Variants in CDH18 observed in about 807,000 individuals in gnomAD.
CDH18 encodes the protein cadherin-18.
A neutral mutation model predicts 67.9 loss-of-function variants in CDH18; 31 were observed. The ratio of observed to expected loss-of-function variants is 0.46; its 90% CI spans 0.34 to 0.62. The LOEUF (loss-of-function observed/expected upper bound fraction) is 0.62, where lower values mean the gene tolerates loss of function less well. Among genes scored for constraint, CDH18 ranks in the 20% least tolerant of loss-of-function variants. The pLI is 0.01. For missense variants in CDH18, 890 were observed against 975.5 expected (o/e 0.91, Z 1.17); for synonymous variants, 362 against 347.2 (o/e 1.04, Z -0.48).
intron 2 of CDH18, among the ~76,000 whole-genome samples, chr5:20,132,414 C>T (rs1354756921): frequency 3.3e-5 from 5 of 151,996 alleles, no homozygotes; most frequent in Non-Finnish European, 4.4e-5. Context: ...TAATAGGGTA[C>T]ATTTTTCATA....
chr5:20,356,988 A>G (rs1741684864), intron 1 of CDH18, among the ~76,000 whole-genome samples: 1 of 151,390 alleles, frequency 6.6e-6, no homozygotes, highest in Admixed American at 6.6e-5. Flanking sequence ...TGTAGTAATA[A>G]CTATAGCAAT....
chr5:19,600,583 T>G (rs2150064317), intron 6 of CDH18, among the ~76,000 whole-genome samples: 1 of 151,166 alleles, frequency 6.6e-6, no homozygotes, highest in African/African-American at 2.4e-5. Context: ...CACTTGAATT[T>G]ATTTTTCTGT....
intron 2 of CDH18, among the ~76,000 whole-genome samples, chr5:20,052,411 G>A (rs1741509702): frequency 6.6e-6 from 1 of 152,010 alleles, no homozygotes; most frequent in African/African-American, 2.4e-5. Context: ...ATGGGTACTA[G>A]CAGAAAATGG....
chr5:19,705,385 G>C (rs949199377), intron 5 of CDH18, among the ~76,000 whole-genome samples: 2 of 151,970 alleles, frequency 1.3e-5, no homozygotes, highest in African/African-American at 2.4e-5. Context: ...AATTACTAGG[G>C]GATATTAATT....
chr5:20,519,239 G>T (rs1343263871), intron 1 of CDH18, among the ~76,000 whole-genome samples: 11 of 152,070 alleles, frequency 7.2e-5, no homozygotes, highest in Admixed American at 1.3e-4. Flanking sequence ...GTCAACAATA[G>T]ACTGGATTAA....
chr5:20,459,366 T>A (rs1464287437), intron 1 of CDH18, among the ~76,000 whole-genome samples: 1 of 152,222 alleles, frequency 6.6e-6, no homozygotes, highest in African/African-American at 2.4e-5. Flanking sequence ...GGATAAATAT[T>A]CCCAAAGCCA....
chr5:20,474,887 C>G (rs1049624847), intron 1 of CDH18, among the ~76,000 whole-genome samples: 1 of 152,160 alleles, frequency 6.6e-6, no homozygotes, highest in Non-Finnish European at 1.5e-5. Context: ...TACAGAGGTG[C>G]GTTTCTTGGC....
intron 2 of CDH18, among the ~76,000 whole-genome samples, chr5:19,976,605 G>GA (rs1798530358): frequency 6.6e-6 from 1 of 152,036 alleles, no homozygotes; most frequent in Admixed American, 6.6e-5. Flanking sequence ...GATGGTCTCT[G>GA]AAAAAAGAGG....
intron 2 of CDH18, among the ~76,000 whole-genome samples, chr5:20,050,850 C>T (rs1741358242): frequency 6.6e-6 from 1 of 151,752 alleles, no homozygotes; most frequent in Admixed American, 6.6e-5. Context: ...TGGCATTTAG[C>T]CTTCAGAAAT....
chr5:19,591,935 G>A (rs1464046695), intron 6 of CDH18, among the ~76,000 whole-genome samples: 1 of 152,008 alleles, frequency 6.6e-6, no homozygotes, highest in East Asian at 1.9e-4. Flanking sequence ...CAGCATTTGT[G>A]AATTAGCATT....
chr5:19,920,893 G>GCGCA (rs1554064294), intron 2 of CDH18, among the ~76,000 whole-genome samples: 2 of 146,104 alleles, frequency 1.4e-5, no homozygotes, highest in African/African-American at 5.1e-5. Flanking sequence ...ACCCACAAGA[G>GCGCA]CACACACACA....
intron 2 of CDH18, among the ~76,000 whole-genome samples, chr5:19,862,599 G>A (rs1383937998): frequency 1.3e-5 from 2 of 152,132 alleles, no homozygotes; most frequent in African/African-American, 4.8e-5. Context: ...ACTTCTTCTT[G>A]GGTAAACATA....
chr5:19,691,052 G>A (rs942572260), intron 5 of CDH18, among the ~76,000 whole-genome samples: 1 of 151,792 alleles, frequency 6.6e-6, no homozygotes, highest in Non-Finnish European at 1.5e-5. Flanking sequence ...GAATCTAACA[G>A]TGCATTAGAA....
intron 1 of CDH18, among the ~76,000 whole-genome samples, chr5:20,316,903 A>C (rs1341161484): frequency 6.6e-6 from 1 of 152,012 alleles, no homozygotes; most frequent in Non-Finnish European, 1.5e-5. Flanking sequence ...TATTTTATGC[A>C]CTCAATTGTA....
At chr5:20,227,823 C>T (rs763205382) in intron 2 of CDH18, among the ~76,000 whole-genome samples, 55 of 91,478 alleles carry the variant, frequency 6.0e-4, no homozygotes, top group Non-Finnish European at 1.0e-3. Flanking sequence ...AGATTTCTTC[C>T]ATCTAATCTA....
intron 3 of CDH18, among the ~76,000 whole-genome samples, chr5:19,775,131 G>C (rs1774203769): frequency 6.6e-6 from 1 of 152,106 alleles, no homozygotes. Context: ...ATAGCCAGTG[G>C]GGGCAATGCA....
chr5:20,104,150 T>C (rs1382954077), intron 2 of CDH18, among the ~76,000 whole-genome samples: 1 of 151,380 alleles, frequency 6.6e-6, no homozygotes, highest in Non-Finnish European at 1.5e-5. Flanking sequence ...AATATAGATA[T>C]AGATTATTAT....
At chr5:19,773,229 A>C (rs1388149255) in intron 3 of CDH18, among the ~76,000 whole-genome samples, 1 of 152,178 alleles carries the variant, frequency 6.6e-6, no homozygotes, top group African/African-American at 2.4e-5. Context: ...AGACAAATGG[A>C]ATATCATTCA....
chr5:20,168,840 C>A (rs1020370336), intron 2 of CDH18, among the ~76,000 whole-genome samples: 1 of 152,104 alleles, frequency 6.6e-6, no homozygotes, highest in East Asian at 1.9e-4. Flanking sequence ...TCACTTGCAG[C>A]AACATAGATG....
Sources: allele counts gnomAD v4.1 joint callset (sites outside exome capture counted in the v4.1 genomes callset), GRCh38; gene constraint gnomAD v4.1.1; transcripts MANE v1.5; gene names NCBI Gene and HGNC (gene_info 2026-07-23, HGNC 2026-07-21).